SGCZ: variants seen among roughly 807,000 people sequenced by gnomAD.
SGCZ encodes sarcoglycan zeta.
A neutral mutation model predicts 41.3 loss-of-function variants in SGCZ; 40 were observed. That is an observed-to-expected ratio of 0.97 (90% CI 0.75 to 1.26). The LOEUF (loss-of-function observed/expected upper bound fraction) is 1.26. Among genes scored for constraint, SGCZ ranks in the 50% most tolerant of loss-of-function variants. The pLI, the probability that SGCZ is intolerant of heterozygous loss-of-function variation, is 0.00. For missense variants in SGCZ, 552 were observed against 369.8 expected (o/e 1.49, Z -4.04); for synonymous variants, 206 against 137.5 (o/e 1.50, Z -3.49).
At chr8:14,987,091 G>C (rs1027394126) in intron 1 of SGCZ, among the ~76,000 whole-genome samples, 1 of 151,826 alleles carries the variant, frequency 6.6e-6, no homozygotes, top group Non-Finnish European at 1.5e-5. Flanking sequence ...CATAAAGACA[G>C]TATAGCAAAG....
chr8:14,155,908 T>A (rs1439082317), intron 5 of SGCZ, among the ~76,000 whole-genome samples: 1 of 152,140 alleles, frequency 6.6e-6, no homozygotes, highest in Non-Finnish European at 1.5e-5. Flanking sequence ...TACAGCATGT[T>A]ACTCTACTGA....
chr8:14,567,801 C>G (rs1025092605), intron 1 of SGCZ, among the ~76,000 whole-genome samples: 1 of 152,066 alleles, frequency 6.6e-6, no homozygotes, highest in East Asian at 1.9e-4. Context: ...ATGAACACCT[C>G]CAGACGCACC....
intron 3 of SGCZ, among the ~76,000 whole-genome samples, chr8:14,265,585 T>A (rs957292412): frequency 2.6e-5 from 4 of 151,980 alleles, no homozygotes; most frequent in African/African-American, 7.2e-5. Flanking sequence ...ATATCGCAAA[T>A]CAGTAAGATT....
chr8:15,021,089 T>G (rs1803231555), intron 1 of SGCZ, among the ~76,000 whole-genome samples: 1 of 152,184 alleles, frequency 6.6e-6, no homozygotes, highest in Non-Finnish European at 1.5e-5. Context: ...AATGAAAGAA[T>G]TAACAAAATG....
chr8:14,215,376 T>C (rs1350681256), intron 4 of SGCZ, among the ~76,000 whole-genome samples: 2 of 152,184 alleles, frequency 1.3e-5, no homozygotes, highest in Admixed American at 6.5e-5. Flanking sequence ...AAAGCAGTGA[T>C]AACAGACAAA....
intron 1 of SGCZ, among the ~76,000 whole-genome samples, chr8:15,131,786 G>A (rs1038784041): frequency 2.0e-5 from 3 of 152,132 alleles, no homozygotes; most frequent in Non-Finnish European, 4.4e-5. Context: ...CTAGCCATGA[G>A]GCTGGCACAG....
At chr8:14,319,519 T>G (rs899270836) in intron 3 of SGCZ, 1 of 151,910 alleles carries the variant, frequency 6.6e-6, no homozygotes, top group Non-Finnish European at 1.5e-5. Flanking sequence ...AAATCCCCCA[T>G]GCAGGTAAAT....
intron 1 of SGCZ, among the ~76,000 whole-genome samples, chr8:15,132,552 C>T (rs890773425): frequency 6.6e-6 from 1 of 152,090 alleles, no homozygotes; most frequent in East Asian, 1.9e-4. Flanking sequence ...CATTTTAATC[C>T]ACTTATGCTA....
chr8:14,635,068 T>TTA (rs1806784880), intron 1 of SGCZ, among the ~76,000 whole-genome samples: 1 of 131,144 alleles, frequency 7.6e-6, no homozygotes, highest in Non-Finnish European at 1.7e-5. Flanking sequence ...TATTATAATT[T>TTA]AAAAACATAT....
chr8:14,641,010 T>A (rs1326457647), intron 1 of SGCZ, among the ~76,000 whole-genome samples: 1 of 151,710 alleles, frequency 6.6e-6, no homozygotes, highest in Non-Finnish European at 1.5e-5. Context: ...AAAGATGGTA[T>A]GAATTTGAGA....
chr8:14,094,821 C>A (rs1377171528), intron 7 of SGCZ, among the ~76,000 whole-genome samples: 2 of 152,032 alleles, frequency 1.3e-5, no homozygotes, highest in African/African-American at 4.8e-5. Context: ...TTTTAATGAT[C>A]ACCATTCTAA....
intron 1 of SGCZ, among the ~76,000 whole-genome samples, chr8:15,059,093 T>C (rs1804821751): frequency 6.6e-6 from 1 of 152,192 alleles, no homozygotes; most frequent in Admixed American, 6.5e-5. Flanking sequence ...GATTAAAATG[T>C]CTAAAGTTGT....
chr8:14,275,705 G>T (rs1186295127), intron 3 of SGCZ, among the ~76,000 whole-genome samples: 1 of 152,104 alleles, frequency 6.6e-6, no homozygotes, highest in African/African-American at 2.4e-5. Context: ...CCTTGATTCA[G>T]TGAAGACAAC....
intron 1 of SGCZ, among the ~76,000 whole-genome samples, chr8:14,798,652 A>G (rs1390915987): frequency 6.6e-6 from 1 of 152,172 alleles, no homozygotes; most frequent in African/African-American, 2.4e-5. Flanking sequence ...CTGTTTAACA[A>G]TAATTTTAAA....
chr8:14,170,406 T>C (rs556080500), intron 4 of SGCZ, among the ~76,000 whole-genome samples: 168 of 152,218 alleles, frequency 1.1e-3, no homozygotes, highest in African/African-American at 4.0e-3. Context: ...TTCTTAGATC[T>C]TTTTATTCCT....
chr8:15,057,238 C>G (rs535850984), intron 1 of SGCZ, among the ~76,000 whole-genome samples: 1 of 152,190 alleles, frequency 6.6e-6, no homozygotes, highest in Non-Finnish European at 1.5e-5. Context: ...ATTACCATAC[C>G]CTATGTTGAG....
chr8:14,607,193 A>G (rs749614609), intron 1 of SGCZ, among the ~76,000 whole-genome samples: 1 of 152,296 alleles, frequency 6.6e-6, no homozygotes, highest in South Asian at 2.1e-4. Context: ...CATACATACA[A>G]AACAACAGAC....
intron 1 of SGCZ, among the ~76,000 whole-genome samples, chr8:14,812,209 AT>A (rs937817704): frequency 2.6e-5 from 4 of 152,002 alleles, no homozygotes; most frequent in African/African-American, 9.7e-5. Context: ...TTTTAAAGCA[AT>A]TTTTTGGGAA....
intron 1 of SGCZ, among the ~76,000 whole-genome samples, chr8:15,017,465 C>T (rs185539823): frequency 6.4e-4 from 97 of 152,222 alleles, no homozygotes; most frequent in Non-Finnish European, 1.1e-3. Context: ...TTGTTAGGCA[C>T]CTAAATTGCA....
Sources: allele counts gnomAD v4.1 joint callset (sites outside exome capture counted in the v4.1 genomes callset), GRCh38; gene constraint gnomAD v4.1.1; transcripts MANE v1.5; gene names NCBI Gene and HGNC (gene_info 2026-07-23, HGNC 2026-07-21).